PDSS2: variants seen among roughly 807,000 people sequenced by gnomAD.
The protein encoded by PDSS2 is all trans-polyprenyl-diphosphate synthase PDSS2.
PDSS2 carries 31 observed loss-of-function variants against 44.5 expected under a neutral mutation model. The observed-to-expected ratio is 0.70, with a 90% CI of 0.52 to 0.94. The LOEUF (loss-of-function observed/expected upper bound fraction) is 0.94, where lower values mean the gene tolerates loss of function less well. Among genes scored for constraint, PDSS2 ranks in the 40% least tolerant of loss-of-function variants. The pLI, the probability that PDSS2 is intolerant of heterozygous loss-of-function variation, is 0.00. For synonymous variants in PDSS2, 157 were observed against 180.3 expected (o/e 0.87, Z 1.03); for missense variants, 452 against 482.2 (o/e 0.94, Z 0.59).
At chr6:107,246,735 T>G (rs544986977) in intron 3 of PDSS2, among the ~76,000 whole-genome samples, 64 of 152,336 alleles carry the variant, frequency 4.2e-4, no homozygotes, top group South Asian at 2.7e-3. Context: ...ATCTCCAAAT[T>G]TATATATTTA....
intron 4 of PDSS2, chr6:107,230,027 T>C (rs1322942148): frequency 9.5e-6 from 2 of 210,004 alleles, no homozygotes; most frequent in Non-Finnish European, 2.0e-5. Context: ...AGATATGGAC[T>C]TGAAAGATAT....
chr6:107,257,895 G>T (rs1775078169), intron 3 of PDSS2, among the ~76,000 whole-genome samples: 1 of 152,198 alleles, frequency 6.6e-6, no homozygotes, highest in South Asian at 2.1e-4. Flanking sequence ...GGGATTAGGG[G>T]TGTGAGCCAC....
chr6:107,439,109 C>T (rs1222204956), intron 1 of PDSS2, among the ~76,000 whole-genome samples: 1 of 152,202 alleles, frequency 6.6e-6, no homozygotes, highest in African/African-American at 2.4e-5. Flanking sequence ...TGCAAGCAGG[C>T]ATACTGCCCT....
At chr6:107,443,927 T>C (rs1781586247) in intron 1 of PDSS2, among the ~76,000 whole-genome samples, 1 of 152,258 alleles carries the variant, frequency 6.6e-6, no homozygotes, top group Non-Finnish European at 1.5e-5. Context: ...ATAATAATGA[T>C]AATCGCTAAT....
intron 1 of PDSS2, among the ~76,000 whole-genome samples, chr6:107,351,456 T>C (rs137877924): frequency 1.3e-5 from 2 of 152,306 alleles, no homozygotes; most frequent in South Asian, 2.1e-4. Flanking sequence ...AACTAGCAAA[T>C]TATCAACAGA....
chr6:107,438,470 C>T lies in PDSS2; in HGVS notation c.296+20520G>A, dbSNP rs576759853. 1.4e-4 allele frequency among the ~76,000 whole-genome samples: 22 copies of T among 152,310 alleles called. No homozygotes were observed. In the East Asian group the frequency reaches 4.1e-3, roughly 28 times the overall value. On this transcript the variant is annotated intron_variant, in intron 1 of 7. Coordinates refer to ENST00000369037, the MANE Select transcript of PDSS2 (RefSeq NM_020381.4). ...TCTGAAGCAATCTACGCGCCTCGGC[C>T]TCCCAAAGTGCTGGGACTACAGGTG... is the stretch of plus-strand genomic sequence containing the variant.
intron 3 of PDSS2, among the ~76,000 whole-genome samples, chr6:107,271,134 TTACTC>T (rs1199088498): frequency 6.6e-6 from 1 of 152,220 alleles, no homozygotes. Flanking sequence ...TCAGCAGACT[TTACTC>T]TTCTTGTTTT....
Position 107,372,406 on chromosome 6 carries a change from A to G in PDSS2, c.297-38074T>C, listed in dbSNP as rs1284269384. ...AGGAACTGCATTTAGTCTGGGAAGT[A>G]GGAGGAAAAGGGGTTAAAGCATGTT... On this transcript the variant is annotated intron_variant, in intron 1 of 7. Coordinates refer to ENST00000369037, the MANE Select transcript of PDSS2 (RefSeq NM_020381.4). Among the ~76,000 whole-genome samples the G allele has an allele frequency of 2.5e-4, 38 of 152,178 alleles. 1 individual carries two copies. The highest frequency in any genetic ancestry group is 2.5e-3 in the Admixed American group (38 of 15,270).
intron 7 of PDSS2, among the ~76,000 whole-genome samples, chr6:107,158,944 G>A (rs1443326380): frequency 6.6e-6 from 1 of 151,930 alleles, no homozygotes; most frequent in African/African-American, 2.4e-5. Context: ...GGTCAGGCTG[G>A]TCTTGAACTC....
At chr6:107,188,813 G>T (rs1261013561) in intron 7 of PDSS2, among the ~76,000 whole-genome samples, 2 of 152,222 alleles carry the variant, frequency 1.3e-5, no homozygotes, top group Non-Finnish European at 2.9e-5. Flanking sequence ...CATGTGCCAT[G>T]ATTCTAAGCT....
At chr6:107,180,604 C>T (rs759445923) in intron 7 of PDSS2, among the ~76,000 whole-genome samples, 4 of 152,106 alleles carry the variant, frequency 2.6e-5, no homozygotes, top group South Asian at 2.1e-4. Flanking sequence ...TAGGCTTTCA[C>T]GGTGCAATGG....
chr6:107,204,063 C>A (rs2192912), intron 6 of PDSS2, among the ~76,000 whole-genome samples: 35,568 of 151,816 alleles, frequency 0.23, 5,104 homozygotes, highest in East Asian at 0.49. Context: ...CTGCCTCAGC[C>A]TCCCAAGTAG....
At chr6:107,441,761 T>C (rs1781516761) in intron 1 of PDSS2, among the ~76,000 whole-genome samples, 1 of 152,204 alleles carries the variant, frequency 6.6e-6, no homozygotes, top group African/African-American at 2.4e-5. Flanking sequence ...ATTTCACTTT[T>C]CAATTAGGGA....
intron 1 of PDSS2, among the ~76,000 whole-genome samples, chr6:107,434,864 C>A (rs562340243): frequency 6.6e-6 from 1 of 151,836 alleles, no homozygotes; most frequent in African/African-American, 2.4e-5. Context: ...CATATATATA[C>A]GTGTGTGTGT....
chr6:107,443,814 G>C (rs1781582484), intron 1 of PDSS2, among the ~76,000 whole-genome samples: 1 of 152,032 alleles, frequency 6.6e-6, no homozygotes, highest in Admixed American at 6.6e-5. Context: ...ATTTTCTCTA[G>C]GGAGAGAGAT....
chr6:107,451,841 A>G (rs904170319), intron 1 of PDSS2, among the ~76,000 whole-genome samples: 4 of 151,934 alleles, frequency 2.6e-5, no homozygotes, highest in Non-Finnish European at 5.9e-5. Context: ...GTCTTTTCTC[A>G]TTCCTTTGAC....
chr6:107,424,952 G>C (rs191866142), intron 1 of PDSS2, among the ~76,000 whole-genome samples: 2 of 152,294 alleles, frequency 1.3e-5, no homozygotes, highest in South Asian at 2.1e-4. Flanking sequence ...GGAGGTGATT[G>C]AATCATGGGG....
chr6:107,245,138 C>T (rs190921979), intron 4 of PDSS2, among the ~76,000 whole-genome samples: 4 of 152,192 alleles, frequency 2.6e-5, no homozygotes, highest in Admixed American at 6.5e-5. Context: ...ATCCCACCTC[C>T]CCAACAGTCA....
chr6:107,239,208 CAAA>C (rs926079482), intron 4 of PDSS2, among the ~76,000 whole-genome samples: 65 of 152,026 alleles, frequency 4.3e-4, no homozygotes, highest in Admixed American at 5.9e-4. Flanking sequence ...ATCCAGGAGG[CAAA>C]AGTTGCAGTG....
Sources: gnomAD v4.1 joint callset for allele counts (sites outside exome capture counted in the v4.1 genomes callset) on GRCh38, gnomAD v4.1.1 for gene constraint, MANE v1.5 for transcripts, NCBI Gene and HGNC (gene_info 2026-07-23, HGNC 2026-07-21) for gene names.